The following CAMSAP2 variants were observed in gnomAD, a reference collection of about 807,000 sequenced individuals.
The protein encoded by CAMSAP2 is calmodulin regulated spectrin associated protein family member 2.
Under a neutral mutation model 146.1 loss-of-function variants are expected in CAMSAP2, and 26 were observed. That is an observed-to-expected ratio of 0.18 (90% confidence interval 0.13 to 0.25). CAMSAP2 has a LOEUF of 0.25. Among genes scored for constraint, CAMSAP2 ranks in the 10% least tolerant of loss-of-function variants. The probability of loss-of-function intolerance (pLI) is 1.00; values close to 1 mark genes in which losing one functional copy is unlikely to be tolerated. For synonymous variants in CAMSAP2, 499 were observed against 596.6 expected, an observed-to-expected ratio of 0.84 and a Z score of 2.38; for missense variants, 1,381 against 1,759.3, an observed-to-expected ratio of 0.78 and a Z score of 3.85.
Position 200,813,968 on chromosome 1 carries a change from C to T in CAMSAP2, c.562-1593C>T, listed in dbSNP as rs189158856. Among the ~76,000 whole-genome samples, 164 of 151,556 alleles carry T rather than the reference C, an allele frequency of 1.1e-3. 1 individual carries two copies. Among genetic ancestry groups the T allele is most frequent in the African/African-American group, 3.9e-3 (161 of 41,292 alleles). On this transcript the variant is annotated intron_variant, in intron 3 of 16. Coordinates refer to ENST00000358823, the MANE Select transcript of CAMSAP2 (RefSeq NM_203459.4). ...AAACAAAAAACAAAAATTAGCTAGGCATGGTGGTACACGCCTGTGGTCCCA... is the reference window on the plus strand; with the variant it reads ...AAACAAAAAACAAAAATTAGCTAGGTATGGTGGTACACGCCTGTGGTCCCA...
chr1:200,786,902 T>C (rs545377470), intron 2 of CAMSAP2, among the ~76,000 whole-genome samples: 3 of 152,158 alleles, frequency 2.0e-5, no homozygotes, highest in Non-Finnish European at 2.9e-5. Flanking sequence ...TTAAGAACTA[T>C]GCTAAATTGA....
Position 200,832,631 on chromosome 1 carries a change from A to C in CAMSAP2, c.788-75A>C, listed in dbSNP as rs534493672. The C allele has an allele frequency of 1.6e-6, 2 of 1,223,108 alleles. No homozygotes were observed. Among genetic ancestry groups the C allele is most frequent in the Non-Finnish European group, 2.3e-6 (2 of 886,242 alleles). The allele number at this position is 1,223,108 out of a possible 1,614,324, so 75.8% of individuals were successfully genotyped here. A position where few individuals can be genotyped will look rare whatever the true frequency, so the allele number is the denominator to read the frequency against. On this transcript the variant is annotated intron_variant, in intron 5 of 16. Transcript: ENST00000358823. This position sits in a 1 kb window ranked among gnomAD's most constrained non-coding sequence, Gnocchi z 4.2. ...TTAACCAGAATTGTGTATTTGTACT[A>C]ATTACAAGATGGATATGAAATATTT...
chr1:200,740,690 C>T (rs920328581), intron 1 of CAMSAP2, among the ~76,000 whole-genome samples: 4 of 152,114 alleles, frequency 2.6e-5, no homozygotes, highest in Admixed American at 2.0e-4. Flanking sequence ...ATGAGTTTTT[C>T]GAAGGCGTGT....
intron 1 of CAMSAP2, among the ~76,000 whole-genome samples, chr1:200,740,574 TTTTCA>T (rs1368987773): frequency 6.6e-6 from 1 of 152,228 alleles, no homozygotes; most frequent in Non-Finnish European, 1.5e-5. Flanking sequence ...TAGGGTGCAG[TTTTCA>T]TTTCATATTA....
intron 2 of CAMSAP2, among the ~76,000 whole-genome samples, chr1:200,797,859 G>A (rs1206871020): frequency 2.1e-5 from 3 of 145,002 alleles, no homozygotes; most frequent in African/African-American, 5.1e-5. Context: ...TAAGGTGTAA[G>A]GAAGGGATCC....
chr1:200,759,120 GC>G (rs1185029832), intron 1 of CAMSAP2, among the ~76,000 whole-genome samples: 2 of 151,850 alleles, frequency 1.3e-5, no homozygotes, highest in African/African-American at 4.8e-5. Context: ...TTCCAGCTTT[GC>G]CTCTTACTGC....
intron 2 of CAMSAP2, among the ~76,000 whole-genome samples, chr1:200,790,418 T>C (rs1483612494): frequency 6.6e-6 from 1 of 152,194 alleles, no homozygotes. Flanking sequence ...AGAGCCTGGT[T>C]GAGCTCTTGA....
At chr1:200,763,345 C>G (rs773035459) in intron 2 of CAMSAP2, among the ~76,000 whole-genome samples, 30 of 152,040 alleles carry the variant, frequency 2.0e-4, no homozygotes, top group Non-Finnish European at 3.1e-4. Context: ...TTGAGACTAG[C>G]CTGGCTAACA....
At chr1:200,850,263 C>A (rs777124782) in intron 11 of CAMSAP2, 29 bp downstream of exon 11, 1 of 1,516,112 alleles carries the variant, frequency 6.6e-7, no homozygotes, top group South Asian at 1.4e-5. Flanking sequence ...TAGTTTTGGG[C>A]ATCTTCATTA....
intron 3 of CAMSAP2, among the ~76,000 whole-genome samples, chr1:200,808,021 C>T (rs1470790450): frequency 2.0e-5 from 3 of 152,156 alleles, no homozygotes; most frequent in Admixed American, 6.5e-5. Flanking sequence ...CAATTACAGG[C>T]GTGAGCCACC....
At chr1:200,817,151 CACACATACACACACGTGTGTGTATAT>C (rs1558191889) in intron 4 of CAMSAP2, among the ~76,000 whole-genome samples, 13 of 113,338 alleles carry the variant, frequency 1.1e-4, no homozygotes, top group African/African-American at 4.4e-4. Flanking sequence ...TATACACATA[CACACATACACACACGTGTGTGTATAT>C]ACACACACAC....
chr1:200,746,708 T>C (rs1296905629), intron 1 of CAMSAP2, among the ~76,000 whole-genome samples: 1 of 150,876 alleles, frequency 6.6e-6, no homozygotes, highest in Admixed American at 6.6e-5. Context: ...AAGCTCCGCC[T>C]CCCGGGTTCT....
At chr1:200,752,799 A>G (rs996661779) in intron 1 of CAMSAP2, among the ~76,000 whole-genome samples, 1 of 151,908 alleles carries the variant, frequency 6.6e-6, no homozygotes, top group African/African-American at 2.4e-5. Context: ...TGTATTTTAT[A>G]GTAGAGACGG....
chr1:200,804,457 G>A (rs757560690), intron 2 of CAMSAP2, among the ~76,000 whole-genome samples: 43 of 152,000 alleles, frequency 2.8e-4, no homozygotes, highest in East Asian at 5.8e-4. Context: ...TTTATACAGC[G>A]TTTTTATCCT....
At position 200,825,807 on chromosome 1, in the gene CAMSAP2, A is replaced by G. The variant is rs115745207; in HGVS notation, c.646-6393A>G. On this transcript the variant is annotated intron_variant, in intron 4 of 16. Transcript: ENST00000358823. Reference sequence around the variant, plus strand: ...AGGTGTGAGCTACTGTGCCCGGCCAATCATTATTTCTTAAAGCAGCATAGT... The same window carrying G: ...AGGTGTGAGCTACTGTGCCCGGCCAGTCATTATTTCTTAAAGCAGCATAGT... Among the ~76,000 whole-genome samples the G allele has an allele frequency of 3.0e-3, 464 of 152,138 alleles. 1 individual carries two copies. The highest frequency in any genetic ancestry group is 9.5e-3 in the African/African-American group (393 of 41,530).
chr1:200,801,523 T>C (rs1571769978), intron 2 of CAMSAP2, among the ~76,000 whole-genome samples: 1 of 152,310 alleles, frequency 6.6e-6, no homozygotes, highest in South Asian at 2.1e-4. Flanking sequence ...TCCTGAAGAG[T>C]GTTTTCCAAC....
intron 3 of CAMSAP2, among the ~76,000 whole-genome samples, chr1:200,814,128 T>TGGTGGGGGGAGGGGTG (rs1558188993): frequency 3.9e-4 from 3 of 7,782 alleles, no homozygotes; most frequent in African/African-American, 1.6e-3. Context: ...AAAAAAAAGG[T>TGGTGGGGGGAGGGGTG]GGCGGGGGGA....
intron 3 of CAMSAP2, among the ~76,000 whole-genome samples, chr1:200,809,621 C>T (rs975649988): frequency 2.0e-5 from 3 of 152,192 alleles, no homozygotes; most frequent in Non-Finnish European, 4.4e-5. Flanking sequence ...ATCCCAGCTA[C>T]TCAGGAGGCT....
intron 1 of CAMSAP2, among the ~76,000 whole-genome samples, chr1:200,758,315 A>G (rs1426148375): frequency 2.0e-5 from 3 of 152,222 alleles, no homozygotes; most frequent in Non-Finnish European, 4.4e-5. Flanking sequence ...ATAAAAATCC[A>G]TTGTTTATAC....
Sources: gnomAD v4.1 joint callset for allele counts (sites outside exome capture counted in the v4.1 genomes callset) on GRCh38, gnomAD v4.1.1 for gene constraint, Gnocchi (gnomAD v3.1) non-coding constraint, MANE v1.5 for transcripts, NCBI Gene and HGNC (gene_info 2026-07-23, HGNC 2026-07-21) for gene names.